PDZRN4: variants seen among roughly 807,000 people sequenced by gnomAD.
The protein encoded by PDZRN4 is PDZ domain containing ring finger 4.
In PDZRN4, 70 loss-of-function variants were observed where a neutral mutation model predicts 99.0. The observed-to-expected ratio is 0.71, with a 90% CI of 0.58 to 0.86. The LOEUF is 0.86. PDZRN4 is among the 40% of genes least tolerant of loss of function. The pLI is 0.00. For synonymous variants in PDZRN4, 551 were observed against 501.6 expected (o/e 1.10, Z -1.32); for missense variants, 1,474 against 1,331.2 (o/e 1.11, Z -1.67).
chr12:41,409,356 G>T (rs1250810158), intron 3 of PDZRN4: 1 of 151,972 alleles, frequency 6.6e-6, no homozygotes, highest in Middle Eastern at 3.1e-3. Context: ...CAAAAAAAAA[G>T]AAAACAAGGT....
chr12:41,380,051 G>A (rs1952112466), intron 3 of PDZRN4, among the ~76,000 whole-genome samples: 1 of 151,846 alleles, frequency 6.6e-6, no homozygotes, highest in East Asian at 1.9e-4. Flanking sequence ...TATTTCAATT[G>A]TTATATCTTT....
In PDZRN4 at chr12:41,277,427, C is replaced by T. The variant is rs574930364; in HGVS notation, c.843+83239C>T. Among the ~76,000 whole-genome samples the T allele has an allele frequency of 2.1e-4, 32 of 152,264 alleles. 1 individual carries two copies. The South Asian group carries it at 6.4e-3, about 31-fold the overall frequency. ...TGTTAGCTCACAGGCACTGCAGAGG[C>T]GAATTTCCCACTGAGGAAAGAGTCC... On this transcript the variant is annotated intron_variant, in intron 3 of 9. Transcript: ENST00000402685.
intron 3 of PDZRN4, among the ~76,000 whole-genome samples, chr12:41,326,227 C>T (rs921036668): frequency 6.6e-6 from 1 of 152,034 alleles, no homozygotes; most frequent in Admixed American, 6.6e-5. Context: ...ATCTGCCCAC[C>T]TTGGCCTTCC....
chr12:41,400,956 G>A (rs151263727), intron 3 of PDZRN4, among the ~76,000 whole-genome samples: 3 of 152,136 alleles, frequency 2.0e-5, no homozygotes, highest in East Asian at 3.9e-4. Context: ...GGATTGTATT[G>A]TTAAAATTCT....
At chr12:41,332,662 G>C (rs1043239591) in intron 3 of PDZRN4, among the ~76,000 whole-genome samples, 1 of 147,810 alleles carries the variant, frequency 6.8e-6, no homozygotes, top group African/African-American at 2.5e-5. Flanking sequence ...TGTGAATCAA[G>C]AGGAATGACC....
chr12:41,482,067 C>A (rs1407086386), intron 3 of PDZRN4, among the ~76,000 whole-genome samples: 3 of 152,084 alleles, frequency 2.0e-5, no homozygotes, highest in African/African-American at 7.2e-5. Flanking sequence ...TCAAAACATT[C>A]CACAAATAAC....
At chr12:41,389,227 A>T (rs1042240608) in intron 3 of PDZRN4, among the ~76,000 whole-genome samples, 3 of 152,166 alleles carry the variant, frequency 2.0e-5, no homozygotes, top group African/African-American at 4.8e-5. Flanking sequence ...AAATACTGTA[A>T]ATGAGAATAT....
intron 3 of PDZRN4, among the ~76,000 whole-genome samples, chr12:41,492,331 A>G (rs1235575860): frequency 1.3e-5 from 2 of 152,204 alleles, no homozygotes; most frequent in Non-Finnish European, 2.9e-5. Context: ...TGAAAAGCAC[A>G]TGACTGCCTC....
intron 3 of PDZRN4, among the ~76,000 whole-genome samples, chr12:41,310,954 C>CTAGAA (rs1179311269): frequency 2.0e-5 from 3 of 152,108 alleles, no homozygotes; most frequent in African/African-American, 7.2e-5. Flanking sequence ...GTTCTACTAT[C>CTAGAA]AGCTTTCTCT....
intron 3 of PDZRN4, among the ~76,000 whole-genome samples, chr12:41,453,117 G>T (rs561998233): frequency 6.6e-6 from 1 of 152,200 alleles, no homozygotes; most frequent in Non-Finnish European, 1.5e-5. Flanking sequence ...CTGGAGGAGT[G>T]AGCATAGCTT....
rs753601968 is a variant in PDZRN4, at chr12:41,506,580, TG to T, written c.970del (p.Ala324LeufsTer7). The T allele has an allele frequency of 6.2e-7, 1 of 1,613,940 alleles. No individual in the cohort carries two copies. The highest frequency in any genetic ancestry group is 8.5e-7 in the Non-Finnish European group (1 of 1,179,890). On this transcript the variant is annotated frameshift_variant, in exon 4 of 10. Coordinates refer to ENST00000402685, the MANE Select transcript of PDZRN4 (RefSeq NM_001164595.2). LOFTEE classifies it high-confidence loss of function. ...RTPLSRPAYG[M>X]ASEVQLMNAS... is the part of the protein sequence containing the mutation. ...CCTCTTAGTAGACCAGCCTATGGGATGGCTTCAGAAGTGCAGCTTATGAATG... is the reference window on the plus strand; with the variant it reads ...CCTCTTAGTAGACCAGCCTATGGGATGCTTCAGAAGTGCAGCTTATGAATG...
Position 41,572,769 on chromosome 12 carries a change from C to T in PDZRN4, c.1990C>T (p.His664Tyr). The T allele has an allele frequency of 6.2e-7, 1 of 1,614,128 alleles. No individual in the cohort carries two copies. Among genetic ancestry groups the T allele is most frequent in the Non-Finnish European group, 8.5e-7 (1 of 1,180,006 alleles). ...TCAAGGGGAGCAAGAGGGAGTGGAGCATGAGCTACAGTTGCTTAATGAAGA... is the reference window on the plus strand; with the variant it reads ...TCAAGGGGAGCAAGAGGGAGTGGAGTATGAGCTACAGTTGCTTAATGAAGA... ...CNQGEQEGVEHELQLLNEELR... is the reference protein window; with the variant it reads ...CNQGEQEGVEYELQLLNEELR... Residue 664 changes from histidine to tyrosine, a missense_variant, in exon 10 of 10, where the codon CAT becomes TAT. Coordinates refer to ENST00000402685, the MANE Select transcript of PDZRN4 (RefSeq NM_001164595.2).
intron 3 of PDZRN4, among the ~76,000 whole-genome samples, chr12:41,452,245 C>T (rs969523235): frequency 9.4e-5 from 14 of 148,182 alleles, no homozygotes; most frequent in Non-Finnish European, 1.5e-4. Flanking sequence ...CTGGCTAACA[C>T]GGTGAAACCC....
At chr12:41,545,509 A>ATG (rs61040270) in intron 5 of PDZRN4, among the ~76,000 whole-genome samples, 6,690 of 142,976 alleles carry the variant, frequency 0.047, 180 homozygotes, top group Middle Eastern at 0.086. Context: ...GATGATATTA[A>ATG]TGTGTGTGTG....
intron 4 of PDZRN4, among the ~76,000 whole-genome samples, chr12:41,508,248 C>G (rs891262178): frequency 6.6e-6 from 1 of 152,120 alleles, no homozygotes; most frequent in African/African-American, 2.4e-5. Flanking sequence ...ATGCCTACCC[C>G]CTTAGCCAGT....
At chr12:41,251,186 A>G (rs989786786) in intron 3 of PDZRN4, among the ~76,000 whole-genome samples, 1 of 152,040 alleles carries the variant, frequency 6.6e-6, no homozygotes, top group Non-Finnish European at 1.5e-5. Context: ...CTCAACTTCA[A>G]TTTTTCAGTC....
intron 3 of PDZRN4, among the ~76,000 whole-genome samples, chr12:41,202,168 T>C (rs1219489961): frequency 2.0e-5 from 3 of 152,086 alleles, no homozygotes; most frequent in Non-Finnish European, 4.4e-5. Context: ...GCTGGAAGCT[T>C]CCTAGAGCAC....
intron 3 of PDZRN4, among the ~76,000 whole-genome samples, chr12:41,455,146 C>A (rs1252920497): frequency 2.6e-5 from 4 of 152,136 alleles, no homozygotes; most frequent in Admixed American, 6.6e-5. Context: ...TTTAAAAATT[C>A]TCTCTATGGA....
chr12:41,433,630 G>T (rs779578042), intron 3 of PDZRN4, among the ~76,000 whole-genome samples: 1 of 152,168 alleles, frequency 6.6e-6, no homozygotes, highest in Non-Finnish European at 1.5e-5. Context: ...AGTTACGTAC[G>T]GAACTTCCAC....
Sources: gnomAD v4.1 joint callset for allele counts (sites outside exome capture counted in the v4.1 genomes callset) on GRCh38, gnomAD v4.1.1 for gene constraint, MANE v1.5 for transcripts, NCBI Gene and HGNC (gene_info 2026-07-23, HGNC 2026-07-21) for gene names.